FHIT: variants seen among roughly 807,000 people sequenced by gnomAD.
The protein encoded by FHIT is bis(5'-adenosyl)-triphosphatase.
In FHIT, 19 loss-of-function variants were observed where a neutral mutation model predicts 17.9. The observed-to-expected ratio is 1.06, with a 90% CI of 0.74 to 1.56. The LOEUF (loss-of-function observed/expected upper bound fraction) is 1.56, where lower values mean the gene tolerates loss of function less well. Among genes scored for constraint, FHIT ranks in the 40% most tolerant of loss-of-function variants. The pLI is 0.00. For missense variants in FHIT, 248 were observed against 189.2 expected (o/e 1.31, Z -1.82); for synonymous variants, 81 against 69.7 (o/e 1.16, Z -0.81).
chr3:60,850,056 C>A (rs554382628), intron 3 of FHIT, among the ~76,000 whole-genome samples: 2 of 152,148 alleles, frequency 1.3e-5, no homozygotes, highest in South Asian at 4.1e-4. Context: ...TTTATCTCAA[C>A]ACTTTCATTC....
chr3:60,185,881 T>C (rs1702138166), intron 5 of FHIT, among the ~76,000 whole-genome samples: 1 of 152,224 alleles, frequency 6.6e-6, no homozygotes, highest in Admixed American at 6.5e-5. Context: ...CTTGTACTAA[T>C]TTGCAACTCT....
At chr3:59,856,281 T>C (rs1039729642) in intron 8 of FHIT, among the ~76,000 whole-genome samples, 1 of 152,352 alleles carries the variant, frequency 6.6e-6, no homozygotes, top group South Asian at 2.1e-4. Flanking sequence ...AAAGTTTATA[T>C]AGCCCTATGG....
chr3:60,547,068 T>G (rs2036391495), intron 4 of FHIT, among the ~76,000 whole-genome samples: 1 of 152,158 alleles, frequency 6.6e-6, no homozygotes, highest in Admixed American at 6.5e-5. Context: ...AATTTGTGCA[T>G]CTCCAGGATC....
At chr3:61,186,634 T>C (rs962905986) in intron 2 of FHIT, among the ~76,000 whole-genome samples, 1 of 152,202 alleles carries the variant, frequency 6.6e-6, no homozygotes, top group Admixed American at 6.5e-5. Flanking sequence ...CCACTCTGGT[T>C]AGTTTTTGAG....
At chr3:60,028,574 G>A (rs1288347630) in intron 5 of FHIT, among the ~76,000 whole-genome samples, 3 of 152,134 alleles carry the variant, frequency 2.0e-5, no homozygotes. Context: ...CACCAAAATG[G>A]ATAATCGAAA....
chr3:60,358,674 G>C (rs1699775399), intron 5 of FHIT, among the ~76,000 whole-genome samples: 1 of 152,150 alleles, frequency 6.6e-6, no homozygotes, highest in South Asian at 2.1e-4. Context: ...GATACAACAT[G>C]GTAGGTCTAT....
chr3:60,503,481 T>C (rs1274394052), intron 5 of FHIT, among the ~76,000 whole-genome samples: 1 of 152,122 alleles, frequency 6.6e-6, no homozygotes, highest in African/African-American at 2.4e-5. Context: ...ACTCCTACAA[T>C]TACTGAGTGT....
chr3:61,028,045 C>A (rs1194070374), intron 3 of FHIT, among the ~76,000 whole-genome samples: 1 of 152,094 alleles, frequency 6.6e-6, no homozygotes, highest in Non-Finnish European at 1.5e-5. Context: ...TTAAGCAGAG[C>A]CCTAGGCTCA....
chr3:61,045,283 G>A (rs1388794823), intron 2 of FHIT, among the ~76,000 whole-genome samples: 1 of 152,170 alleles, frequency 6.6e-6, no homozygotes, highest in Non-Finnish European at 1.5e-5. Flanking sequence ...AAGGGATGGA[G>A]GAAGATCTAC....
At chr3:60,388,526 A>G (rs1412967660) in intron 5 of FHIT, among the ~76,000 whole-genome samples, 2 of 152,078 alleles carry the variant, frequency 1.3e-5, no homozygotes, top group African/African-American at 4.8e-5. Flanking sequence ...TCATAAGCCC[A>G]GGAGGTGGAG....
intron 3 of FHIT, among the ~76,000 whole-genome samples, chr3:60,927,633 G>A (rs367689975): frequency 3.6e-4 from 54 of 151,534 alleles, no homozygotes; most frequent in South Asian, 8.4e-4. Context: ...CTGCCCGGCC[G>A]CCCTGTCTGG....
chr3:61,111,915 T>A (rs2036169967), intron 2 of FHIT, among the ~76,000 whole-genome samples: 1 of 152,196 alleles, frequency 6.6e-6, no homozygotes, highest in Non-Finnish European at 1.5e-5. Context: ...AACTCACAAA[T>A]CAGTCAACAG....
At chr3:60,425,618 C>G (rs996494116) in intron 5 of FHIT, among the ~76,000 whole-genome samples, 1 of 151,984 alleles carries the variant, frequency 6.6e-6, no homozygotes, top group Non-Finnish European at 1.5e-5. Context: ...GAAAATAGTT[C>G]TCAGAACTAT....
Position 60,542,070 on chromosome 3 carries a change from T to C in FHIT, c.-17-5091A>G, listed in dbSNP as rs561909772. On this transcript the variant is annotated intron_variant, in intron 4 of 9. Coordinates refer to ENST00000492590, the MANE Select transcript of FHIT (RefSeq NM_002012.4). ...TTACATGTTTGTGTACATACATTTT[T>C]TGTCAAAAATACACAGGGCCCTTAT... 2.0e-5 allele frequency among the ~76,000 whole-genome samples: 3 copies of C among 152,336 alleles called. No homozygotes were observed. In the East Asian group the frequency reaches 5.8e-4, roughly 29 times the overall value.
chr3:60,467,040 G>C (rs2032836092), intron 5 of FHIT, among the ~76,000 whole-genome samples: 1 of 151,902 alleles, frequency 6.6e-6, no homozygotes, highest in East Asian at 1.9e-4. Flanking sequence ...TTATGGCATT[G>C]ATCTCATTAC....
intron 8 of FHIT, among the ~76,000 whole-genome samples, chr3:59,881,255 C>A (rs1023018183): frequency 1.3e-5 from 2 of 152,124 alleles, no homozygotes; most frequent in Non-Finnish European, 2.9e-5. Flanking sequence ...CAGGTTCCAA[C>A]CCATTACAAG....
chr3:60,534,632 A>C (rs2035917279), intron 5 of FHIT, among the ~76,000 whole-genome samples: 2 of 152,222 alleles, frequency 1.3e-5, no homozygotes, highest in South Asian at 4.2e-4. Flanking sequence ...TGATTTTAAA[A>C]AAGCTCTGGT....
intron 7 of FHIT, among the ~76,000 whole-genome samples, chr3:59,923,945 T>C (rs573051986): frequency 6.6e-6 from 1 of 152,254 alleles, no homozygotes; most frequent in East Asian, 1.9e-4. Context: ...TGCCAGAATA[T>C]TCGCCAGTCA....
At chr3:60,432,775 G>C (rs1702969523) in intron 5 of FHIT, among the ~76,000 whole-genome samples, 1 of 151,966 alleles carries the variant, frequency 6.6e-6, no homozygotes, top group Non-Finnish European at 1.5e-5. Flanking sequence ...CTACCAATGT[G>C]CTTTTCTTGG....
Sources: allele counts gnomAD v4.1 joint callset (sites outside exome capture counted in the v4.1 genomes callset), GRCh38; gene constraint gnomAD v4.1.1; transcripts MANE v1.5; gene names NCBI Gene and HGNC (gene_info 2026-07-23, HGNC 2026-07-21).